TENM3: variants seen among roughly 807,000 people sequenced by gnomAD.
The protein encoded by TENM3 is teneurin-3.
TENM3 carries 63 observed loss-of-function variants against 255.1 expected under a neutral mutation model. That is an observed-to-expected ratio of 0.25 (90% CI 0.20 to 0.30). The LOEUF (loss-of-function observed/expected upper bound fraction) is 0.30. Ranked by LOEUF, TENM3 falls within the 10% of genes least tolerant of loss-of-function variation. TENM3 has a pLI of 1.00. For missense variants in TENM3, 2,929 were observed against 3,461.1 expected, an observed-to-expected ratio of 0.85 and a Z score of 3.86; for synonymous variants, 1,306 against 1,322.3, an observed-to-expected ratio of 0.99 and a Z score of 0.27.
chr4:182,255,621 A>T (rs1758338490), intron 1 of TENM3, among the ~76,000 whole-genome samples: 1 of 151,938 alleles, frequency 6.6e-6, no homozygotes, highest in South Asian at 2.1e-4. Flanking sequence ...CCGTGTGGTG[A>T]CTCCTGGAGA....
At chr4:181,555,727 C>T in the TENM3 span, among the ~76,000 whole-genome samples, 1 of 152,144 alleles carries the variant, frequency 6.6e-6, no homozygotes, top group African/African-American at 2.4e-5. Flanking sequence ...TCTCCTAAAG[C>T]CTTGGAATTC....
At chr4:182,355,910 A>G (rs1171856725) in intron 3 of TENM3, among the ~76,000 whole-genome samples, 1 of 148,310 alleles carries the variant, frequency 6.7e-6, no homozygotes, top group Non-Finnish European at 1.5e-5. Flanking sequence ...TTATATATAT[A>G]TTATATATAT....
At chr4:181,899,467 C>A in the TENM3 span, among the ~76,000 whole-genome samples, 1 of 152,080 alleles carries the variant, frequency 6.6e-6, no homozygotes, top group African/African-American at 2.4e-5. Context: ...AGAAAACCAA[C>A]AACAATTTTT....
chr4:181,786,969 A>T, the TENM3 span, among the ~76,000 whole-genome samples: 1 of 152,254 alleles, frequency 6.6e-6, no homozygotes, highest in African/African-American at 2.4e-5. Flanking sequence ...CTAGGTATTA[A>T]GGAATGTTGG....
At chr4:181,584,097 C>G in the TENM3 span, among the ~76,000 whole-genome samples, 10 of 152,206 alleles carry the variant, frequency 6.6e-5, no homozygotes, top group Admixed American at 1.3e-4. Flanking sequence ...ATGAGTAGCA[C>G]TGACATATTC....
chr4:181,627,004 G>A, the TENM3 span, among the ~76,000 whole-genome samples: 1 of 152,186 alleles, frequency 6.6e-6, no homozygotes, highest in Admixed American at 6.5e-5. Context: ...TAAATGTGGG[G>A]TGAGTGGAAG....
chr4:182,246,557 C>A (rs1757662616), intron 1 of TENM3, among the ~76,000 whole-genome samples: 1 of 152,042 alleles, frequency 6.6e-6, no homozygotes, highest in Non-Finnish European at 1.5e-5. Flanking sequence ...GCAAACCAGC[C>A]CTCCTTCTAA....
the TENM3 span, among the ~76,000 whole-genome samples, chr4:181,957,593 A>G: frequency 6.6e-6 from 1 of 152,182 alleles, no homozygotes; most frequent in Non-Finnish European, 1.5e-5. Context: ...GTATATCAGC[A>G]GACGGGAAAC....
chr4:182,077,816 T>C, the TENM3 span, among the ~76,000 whole-genome samples: 200 of 152,168 alleles, frequency 1.3e-3, no homozygotes, highest in Non-Finnish European at 7.9e-4. Flanking sequence ...AGGAACTGCA[T>C]GTACAAGGAT....
At chr4:182,502,172 T>A (rs1736381926) in intron 3 of TENM3, among the ~76,000 whole-genome samples, 1 of 152,194 alleles carries the variant, frequency 6.6e-6, no homozygotes, top group South Asian at 2.1e-4. Flanking sequence ...ATTGTCATTC[T>A]TCCTTGATTA....
chr4:182,576,501 G>C (rs907297888), intron 3 of TENM3, among the ~76,000 whole-genome samples: 2 of 152,116 alleles, frequency 1.3e-5, no homozygotes, highest in Non-Finnish European at 2.9e-5. Flanking sequence ...AGCCAAATAG[G>C]GTTCATATGA....
chr4:181,852,117 A>G, the TENM3 span, among the ~76,000 whole-genome samples: 4 of 152,342 alleles, frequency 2.6e-5, no homozygotes, highest in African/African-American at 9.6e-5. Flanking sequence ...TAAAGAAGCA[A>G]GAACCCACAG....
the TENM3 span, among the ~76,000 whole-genome samples, chr4:181,461,484 A>G: frequency 1.3e-5 from 2 of 152,198 alleles, no homozygotes; most frequent in South Asian, 4.1e-4. Flanking sequence ...GCCCCTACTT[A>G]CTGGAACTCT....
At chr4:181,862,416 A>G in the TENM3 span, among the ~76,000 whole-genome samples, 1 of 152,070 alleles carries the variant, frequency 6.6e-6, no homozygotes. Flanking sequence ...ACTAAAATAT[A>G]TTTTCAATTT....
intron 1 of TENM3, among the ~76,000 whole-genome samples, chr4:182,148,530 G>A (rs1332605232): frequency 2.0e-5 from 3 of 152,022 alleles, no homozygotes; most frequent in African/African-American, 7.2e-5. Flanking sequence ...AGGATTTTAT[G>A]GCCTTTTGAG....
Position 182,652,758 on chromosome 4 carries a change from A to T in TENM3, c.989-1013A>T, listed in dbSNP as rs559599979. Among the ~76,000 whole-genome samples the T allele has an allele frequency of 2.6e-5, 4 of 152,292 alleles. No homozygotes were observed. In the South Asian group the frequency reaches 8.3e-4, roughly 32 times the overall value. On this transcript the variant is annotated intron_variant, in intron 5 of 27. Transcript: ENST00000511685. ...CCATTGCGCTGGTAAATTCCAGTAC[A>T]TACAGTAAGTAAAATAATGTCTAAA...
the TENM3 span, among the ~76,000 whole-genome samples, chr4:181,495,597 G>T: frequency 6.6e-6 from 1 of 151,774 alleles, no homozygotes; most frequent in Non-Finnish European, 1.5e-5. Flanking sequence ...CATTTTAAAA[G>T]ACATTGAAAT....
the TENM3 span, among the ~76,000 whole-genome samples, chr4:181,991,248 C>T: frequency 2.6e-5 from 4 of 152,062 alleles, no homozygotes; most frequent in Non-Finnish European, 4.4e-5. Flanking sequence ...AGATATTTCC[C>T]GTTCTGTTTT....
the TENM3 span, among the ~76,000 whole-genome samples, chr4:181,809,805 C>G: frequency 6.6e-6 from 1 of 152,242 alleles, no homozygotes; most frequent in African/African-American, 2.4e-5. Context: ...CCCAAGGCAG[C>G]TCAGGTTATG....
Sources: allele counts gnomAD v4.1 joint callset (sites outside exome capture counted in the v4.1 genomes callset), GRCh38; gene constraint gnomAD v4.1.1; transcripts MANE v1.5; gene names NCBI Gene and HGNC (gene_info 2026-07-23, HGNC 2026-07-21).